The following CUX1 variants were observed in gnomAD, a reference collection of about 807,000 sequenced individuals.
CUX1 encodes protein CASP.
In CUX1, 31 loss-of-function variants were observed where a neutral mutation model predicts 158.8. That is an observed-to-expected ratio of 0.20 (90% confidence interval 0.15 to 0.26). The LOEUF (loss-of-function observed/expected upper bound fraction) is 0.26. Among genes scored for constraint, CUX1 ranks in the 10% least tolerant of loss-of-function variants. CUX1 has a pLI of 1.00. For synonymous variants in CUX1, 879 were observed against 862.1 expected, an observed-to-expected ratio of 1.02 and a Z score of -0.34; for missense variants, 1,589 against 2,014.6, an observed-to-expected ratio of 0.79 and a Z score of 4.04.
chr7:102,138,791 G>GT (rs1411875564), intron 8 of CUX1, among the ~76,000 whole-genome samples: 1 of 152,038 alleles, frequency 6.6e-6, no homozygotes, highest in Non-Finnish European at 1.5e-5. Context: ...TCCATTAGTG[G>GT]TAAGAATCCT....
At chr7:102,115,170 A>G (rs781815459) in intron 7 of CUX1, 37 bp from the exon 8 acceptor site, 1 of 1,580,716 alleles carries the variant, frequency 6.3e-7, no homozygotes, top group East Asian at 2.2e-5. Context: ...TTCTTTTAAA[A>G]TTTCATTTAA....
intron 14 of CUX1, among the ~76,000 whole-genome samples, chr7:102,270,883 T>C (rs1245016880): frequency 6.6e-6 from 1 of 152,168 alleles, no homozygotes; most frequent in Admixed American, 6.5e-5. Flanking sequence ...CAGGACTGTG[T>C]GCCCACCCCT....
At chr7:101,870,151 T>TG (rs141427959) in intron 1 of CUX1, among the ~76,000 whole-genome samples, 20,023 of 122,422 alleles carry the variant, frequency 0.16, 2,731 homozygotes, top group East Asian at 0.76. Context: ...AGTGTTTTTT[T>TG]TGTTTTTTTT....
At chr7:102,283,365 G>A (rs964981045) in exon 23 of CUX1, 14 of 489,458 alleles carry the variant, frequency 2.9e-5, no homozygotes, top group East Asian at 1.0e-4. Flanking sequence ...GGCTCTGCCC[G>A]CAGCCTGACC....
At chr7:101,831,309 G>A (rs1018345414) in intron 1 of CUX1, among the ~76,000 whole-genome samples, 33 of 149,702 alleles carry the variant, frequency 2.2e-4, no homozygotes, top group African/African-American at 7.1e-4. Context: ...TTTTTTTTTC[G>A]AGATGGAGTC....
intron 3 of CUX1, among the ~76,000 whole-genome samples, chr7:102,067,010 A>G (rs1825620286): frequency 6.6e-6 from 1 of 152,128 alleles, no homozygotes; most frequent in South Asian, 2.1e-4. Context: ...TAATTCACCC[A>G]TTTAAAGTCT....
intron 2 of CUX1, among the ~76,000 whole-genome samples, chr7:102,005,082 C>T (rs528380066): frequency 1.8e-4 from 28 of 152,288 alleles, no homozygotes; most frequent in Admixed American, 3.9e-4. Context: ...AGGTCATCCC[C>T]CTGTTTGGGT....
chr7:101,933,393 A>T (rs894653082), intron 2 of CUX1, among the ~76,000 whole-genome samples: 4 of 152,250 alleles, frequency 2.6e-5, no homozygotes, highest in Non-Finnish European at 5.9e-5. Context: ...ACAACAAAAA[A>T]GAATTAGATT....
intron 2 of CUX1, among the ~76,000 whole-genome samples, chr7:101,963,380 T>G (rs975564667): frequency 6.6e-6 from 1 of 152,180 alleles, no homozygotes; most frequent in Non-Finnish European, 1.5e-5. Flanking sequence ...GATTCCAGCA[T>G]GTGATGTTGA....
In CUX1 at chr7:102,202,260, C is replaced by T. The variant is rs1009879500; in HGVS notation, c.2907+56C>T. On this transcript the variant is annotated intron_variant, in intron 18 of 23. Coordinates refer to ENST00000292535, the MANE Select transcript of CUX1 (RefSeq NM_181552.4). Reference sequence around the variant, plus strand: ...TCCCATCTCTTCTCCTTGCTGAGGACCAAGTATCTATCCCGCAGCCTGTGA... The same window carrying T: ...TCCCATCTCTTCTCCTTGCTGAGGATCAAGTATCTATCCCGCAGCCTGTGA... 4 of 1,539,440 alleles carry T rather than the reference C, an allele frequency of 2.6e-6. No individual in the cohort carries two copies. In the African/African-American group the frequency reaches 5.5e-5, roughly 21 times the overall value.
chr7:101,861,227 C>T (rs1342691524), intron 1 of CUX1, among the ~76,000 whole-genome samples: 2 of 152,216 alleles, frequency 1.3e-5, no homozygotes, highest in African/African-American at 4.8e-5. Flanking sequence ...GCACATTTTC[C>T]TTTAGCTGCG....
chr7:102,263,338 T>G (rs1301532690), intron 14 of CUX1, among the ~76,000 whole-genome samples: 2 of 98,686 alleles, frequency 2.0e-5, no homozygotes, highest in African/African-American at 7.6e-5. Flanking sequence ...TTTTTTGAGA[T>G]GGAGTCTCAC....
At chr7:102,008,091 C>T (rs552883717) in intron 2 of CUX1, among the ~76,000 whole-genome samples, 71 of 152,274 alleles carry the variant, frequency 4.7e-4, no homozygotes, top group Non-Finnish European at 9.3e-4. Flanking sequence ...CATCTCCAGG[C>T]TTTCCCCTCT....
chr7:102,006,578 G>A (rs948106266), intron 2 of CUX1, among the ~76,000 whole-genome samples: 11 of 152,164 alleles, frequency 7.2e-5, no homozygotes, highest in Admixed American at 2.0e-4. Flanking sequence ...TGTATTTTTA[G>A]TAGAGATGGA....
intron 5 of CUX1, among the ~76,000 whole-genome samples, chr7:102,099,856 G>C (rs1274201084): frequency 6.6e-6 from 1 of 152,112 alleles, no homozygotes; most frequent in African/African-American, 2.4e-5. Flanking sequence ...TAAATTACCA[G>C]CTTCCCAGTG....
chr7:101,944,293 A>T (rs1338661185), intron 2 of CUX1, among the ~76,000 whole-genome samples: 3 of 152,174 alleles, frequency 2.0e-5, no homozygotes, highest in Non-Finnish European at 4.4e-5. Context: ...CCAGCTGTTC[A>T]TCTACCCCAG....
rs1211961521 is a variant in CUX1 at position 102,127,612 on chromosome 7, TCTTG to T, written c.674+12343_674+12346del. On this transcript the variant is annotated intron_variant, in intron 8 of 23. Transcript: ENST00000292535. ...TTTTACCTGACATGTTGTAAATATTTCTTGCTTATCATTAAATATTCTTCAGAAA... is the reference window on the plus strand; with the variant it reads ...TTTTACCTGACATGTTGTAAATATTTCTTATCATTAAATATTCTTCAGAAA... Among the ~76,000 whole-genome samples, 8 of 152,302 alleles carry T rather than the reference TCTTG, an allele frequency of 5.3e-5. No individual in the cohort carries two copies. In the East Asian group the frequency reaches 7.7e-4, roughly 15 times the overall value.
At chr7:101,848,071 AAAAAG>A (rs1562923785) in intron 1 of CUX1, among the ~76,000 whole-genome samples, 10 of 150,646 alleles carry the variant, frequency 6.6e-5, no homozygotes, top group Middle Eastern at 3.4e-3. Flanking sequence ...AAAAAAAAAA[AAAAAG>A]AAAAGAAAAA....
chr7:101,982,432 T>A (rs886124328), intron 2 of CUX1, among the ~76,000 whole-genome samples: 2 of 152,126 alleles, frequency 1.3e-5, no homozygotes, highest in African/African-American at 2.4e-5. Flanking sequence ...TTTTCTTTTT[T>A]TCTTTTTTGT....
Sources: gnomAD v4.1 joint callset for allele counts (sites outside exome capture counted in the v4.1 genomes callset) on GRCh38, gnomAD v4.1.1 for gene constraint, MANE v1.5 for transcripts, NCBI Gene and HGNC (gene_info 2026-07-23, HGNC 2026-07-21) for gene names.